ANKS1B: variants seen among roughly 807,000 people sequenced by gnomAD.
The protein encoded by ANKS1B is ankyrin repeat and sterile alpha motif domain-containing protein 1B.
In ANKS1B, 36 loss-of-function variants were observed where a neutral mutation model predicts 148.3. The observed-to-expected ratio is 0.24, with a 90% CI of 0.19 to 0.32. The LOEUF (loss-of-function observed/expected upper bound fraction) is 0.32, where lower values mean the gene tolerates loss of function less well. ANKS1B is among the 10% of genes least tolerant of loss of function. The pLI is 1.00. For missense variants in ANKS1B, 1,157 were observed against 1,542.6 expected (o/e 0.75, Z 4.19); for synonymous variants, 542 against 560.8 (o/e 0.97, Z 0.47).
At chr12:98,888,588 A>C (rs1194012411) in intron 17 of ANKS1B, among the ~76,000 whole-genome samples, 2 of 152,220 alleles carry the variant, frequency 1.3e-5, no homozygotes, top group South Asian at 2.1e-4. Context: ...GGATTCAGTC[A>C]CGCTGGACTG....
At chr12:99,903,345 A>G (rs2093666457) in intron 1 of ANKS1B, among the ~76,000 whole-genome samples, 2 of 152,174 alleles carry the variant, frequency 1.3e-5, no homozygotes, top group African/African-American at 4.8e-5. Flanking sequence ...GTTCTTCCCT[A>G]TGATTTTCAA....
chr12:99,441,019 T>C (rs1239968316), intron 11 of ANKS1B, among the ~76,000 whole-genome samples: 3 of 151,904 alleles, frequency 2.0e-5, no homozygotes, highest in African/African-American at 7.2e-5. Context: ...TTTACATTTT[T>C]ATTTTCAAAG....
chr12:99,940,898 A>G (rs2094902999), intron 1 of ANKS1B, among the ~76,000 whole-genome samples: 1 of 152,136 alleles, frequency 6.6e-6, no homozygotes, highest in Non-Finnish European at 1.5e-5. Context: ...AAAAGATAGA[A>G]TTTGAAAATA....
intron 3 of ANKS1B, among the ~76,000 whole-genome samples, chr12:99,807,171 T>C (rs1309079748): frequency 6.6e-6 from 1 of 152,242 alleles, no homozygotes; most frequent in Non-Finnish European, 1.5e-5. Context: ...AGTTTCATTT[T>C]ATTTTCCATG....
intron 17 of ANKS1B, among the ~76,000 whole-genome samples, chr12:98,924,351 T>C (rs1394964772): frequency 6.6e-6 from 1 of 152,244 alleles, no homozygotes; most frequent in Non-Finnish European, 1.5e-5. Context: ...TTCAGTAAGG[T>C]AGATAGTACA....
chr12:99,891,338 GTT>G (rs2093096236), intron 1 of ANKS1B, among the ~76,000 whole-genome samples: 10 of 151,988 alleles, frequency 6.6e-5, no homozygotes, highest in Non-Finnish European at 1.3e-4. Context: ...GTGTGTGTGT[GTT>G]TGTGTGTGTG....
intron 1 of ANKS1B, among the ~76,000 whole-genome samples, chr12:99,843,368 C>T (rs2086082341): frequency 6.6e-6 from 1 of 151,984 alleles, no homozygotes; most frequent in Non-Finnish European, 1.5e-5. Context: ...CTATTAAGCC[C>T]AGCATCCATT....
At chr12:98,846,372 T>G (rs542542052) in intron 17 of ANKS1B, among the ~76,000 whole-genome samples, 11 of 152,344 alleles carry the variant, frequency 7.2e-5, no homozygotes, top group African/African-American at 2.6e-4. Flanking sequence ...AGGTGCAAAC[T>G]CTTTGTAATT....
chr12:99,241,620 C>T (rs1175018169), intron 14 of ANKS1B, among the ~76,000 whole-genome samples: 1 of 152,148 alleles, frequency 6.6e-6, no homozygotes, highest in Non-Finnish European at 1.5e-5. Flanking sequence ...TGCCAATATC[C>T]CTGATGAACA....
At chr12:99,176,885 G>A (rs1251905439) in intron 14 of ANKS1B, among the ~76,000 whole-genome samples, 2 of 152,176 alleles carry the variant, frequency 1.3e-5, no homozygotes, top group Non-Finnish European at 2.9e-5. Context: ...ACAGCCTGCA[G>A]AGCCATGCGC....
chr12:99,359,244 TAG>T (rs2092294223), intron 12 of ANKS1B, among the ~76,000 whole-genome samples: 1 of 152,136 alleles, frequency 6.6e-6, no homozygotes, highest in Non-Finnish European at 1.5e-5. Context: ...TGATACAAAC[TAG>T]TCTACTACTT....
chr12:99,880,229 T>C (rs1203053716), intron 1 of ANKS1B, among the ~76,000 whole-genome samples: 2 of 152,140 alleles, frequency 1.3e-5, no homozygotes, highest in Non-Finnish European at 2.9e-5. Flanking sequence ...CTTACAGATA[T>C]TAACTTACTG....
intron 2 of ANKS1B, among the ~76,000 whole-genome samples, chr12:99,815,339 A>C (rs893705351): frequency 2.6e-5 from 4 of 151,834 alleles, no homozygotes; most frequent in African/African-American, 9.7e-5. Context: ...TAATATCTAA[A>C]TCAGAAAAGA....
intron 12 of ANKS1B, among the ~76,000 whole-genome samples, chr12:99,290,974 G>C (rs932738225): frequency 1.3e-5 from 2 of 152,100 alleles, no homozygotes; most frequent in Admixed American, 1.3e-4. Context: ...GGGAAAGGAA[G>C]AAGTCAATTT....
At chr12:98,824,376 A>G (rs2099228698) in intron 19 of ANKS1B, among the ~76,000 whole-genome samples, 1 of 152,216 alleles carries the variant, frequency 6.6e-6, no homozygotes, top group African/African-American at 2.4e-5. Flanking sequence ...GAATGCTACA[A>G]CCACCGGAGC....
chr12:98,756,266 A>T (rs1424811192), intron 25 of ANKS1B, among the ~76,000 whole-genome samples: 1 of 152,056 alleles, frequency 6.6e-6, no homozygotes, highest in Non-Finnish European at 1.5e-5. Context: ...AATAAGTCTC[A>T]CAAGATCTGA....
At chr12:99,745,313 G>A (rs1361529328) in intron 8 of ANKS1B, among the ~76,000 whole-genome samples, 1 of 152,176 alleles carries the variant, frequency 6.6e-6, no homozygotes, top group Non-Finnish European at 1.5e-5. Context: ...ACAAACTAAT[G>A]AGAAGCATAA....
chr12:99,755,594 C>CAAAAAAA (rs369571107), intron 8 of ANKS1B, among the ~76,000 whole-genome samples: 1 of 123,258 alleles, frequency 8.1e-6, no homozygotes, highest in Non-Finnish European at 1.7e-5. Flanking sequence ...CAAAAATCCT[C>CAAAAAAA]AAAAAAAAAA....
At chr12:99,106,342 C>T (rs10777957) in intron 15 of ANKS1B, among the ~76,000 whole-genome samples, 84,496 of 152,164 alleles carry the variant, frequency 0.56, 24,495 homozygotes, top group East Asian at 0.74. Context: ...AGCTGAGATG[C>T]TGCTATGTGC....
Sources: gnomAD v4.1 joint callset for allele counts (sites outside exome capture counted in the v4.1 genomes callset) on GRCh38, gnomAD v4.1.1 for gene constraint, MANE v1.5 for transcripts, NCBI Gene and HGNC (gene_info 2026-07-23, HGNC 2026-07-21) for gene names.